The following ROR1 variants were observed in gnomAD, a reference collection of about 807,000 sequenced individuals.
ROR1 encodes the protein inactive tyrosine-protein kinase transmembrane receptor ROR1.
In ROR1, 19 loss-of-function variants were observed where a neutral mutation model predicts 78.8. The observed-to-expected ratio is 0.24, with a 90% CI of 0.17 to 0.35. The LOEUF is 0.35. ROR1 is among the 10% of genes least tolerant of loss of function. The probability of loss-of-function intolerance (pLI) is 1.00; values close to 1 mark genes in which losing one functional copy is unlikely to be tolerated. For synonymous variants in ROR1, 386 were observed against 433.6 expected, an observed-to-expected ratio of 0.89 and a Z score of 1.36; for missense variants, 917 against 1,177.8, an observed-to-expected ratio of 0.78 and a Z score of 3.24.
At chr1:64,060,269 G>A (rs1646906971) in intron 4 of ROR1, among the ~76,000 whole-genome samples, 2 of 152,180 alleles carry the variant, frequency 1.3e-5, no homozygotes. Flanking sequence ...CATATTAGGA[G>A]CTTGATAATA....
At chr1:63,860,733 C>A (rs1645175925) in intron 1 of ROR1, among the ~76,000 whole-genome samples, 1 of 143,022 alleles carries the variant, frequency 7.0e-6, no homozygotes, top group African/African-American at 2.7e-5. Flanking sequence ...CGCACCACTG[C>A]ACTCCAGCCT....
At position 63,774,899 on chromosome 1, in the gene ROR1, C is replaced by T. The variant is rs1427999631; in HGVS notation, c.91+391C>T. On this transcript the variant is annotated intron_variant, in intron 1 of 8. Transcript: ENST00000371079. This position sits in a 1 kb window ranked among gnomAD's most constrained non-coding sequence, Gnocchi z 5.7. ...GGTGTTCAGGCAAGTCTATCCTGCCCCCAAGTTGCGAGCCGGCCCGGAAGG... is the reference window on the plus strand; with the variant it reads ...GGTGTTCAGGCAAGTCTATCCTGCCTCCAAGTTGCGAGCCGGCCCGGAAGG... Among the ~76,000 whole-genome samples the T allele has an allele frequency of 6.6e-6, 1 of 152,110 alleles. No homozygotes were observed. The highest frequency in any genetic ancestry group is 1.9e-4 in the East Asian group (1 of 5,138).
intron 1 of ROR1, among the ~76,000 whole-genome samples, chr1:63,869,355 T>C (rs993487697): frequency 7.2e-5 from 11 of 152,202 alleles, no homozygotes; most frequent in Non-Finnish European, 1.0e-4. Context: ...ATCAGCCCAG[T>C]GTCCTTCCAC....
intron 1 of ROR1, among the ~76,000 whole-genome samples, chr1:63,847,575 C>A (rs577269881): frequency 6.6e-6 from 1 of 152,236 alleles, no homozygotes; most frequent in South Asian, 2.1e-4. Flanking sequence ...CGTCTCTGTG[C>A]ATCTGGCAGC....
intron 1 of ROR1, among the ~76,000 whole-genome samples, chr1:63,850,826 T>G (rs1286190400): frequency 1.3e-5 from 2 of 152,144 alleles, no homozygotes; most frequent in African/African-American, 2.4e-5. Context: ...AAGTCCAAAC[T>G]TATAGAACCT....
At chr1:64,028,139 A>G (rs1197469269) in intron 2 of ROR1, among the ~76,000 whole-genome samples, 1 of 152,186 alleles carries the variant, frequency 6.6e-6, no homozygotes, top group African/African-American at 2.4e-5. Flanking sequence ...TTTTAAAAAA[A>G]TTCTTTTCAC....
chr1:63,874,696 T>C (rs1645273041), intron 1 of ROR1, among the ~76,000 whole-genome samples: 1 of 152,152 alleles, frequency 6.6e-6, no homozygotes. Context: ...CTGGGCTGCT[T>C]CCTACTTCTT....
At chr1:63,917,710 CT>C (rs1645619623) in intron 1 of ROR1, among the ~76,000 whole-genome samples, 1 of 152,172 alleles carries the variant, frequency 6.6e-6, no homozygotes, top group Admixed American at 6.5e-5. Flanking sequence ...GCAGATGGAG[CT>C]GCAGACCACG....
At chr1:64,060,184 T>A (rs1300433140) in intron 4 of ROR1, among the ~76,000 whole-genome samples, 1 of 152,180 alleles carries the variant, frequency 6.6e-6, no homozygotes, top group African/African-American at 2.4e-5. Context: ...AAAAAATCTA[T>A]CTCATAGCAT....
rs1569896791 is a variant in ROR1, at chr1:64,179,426, A to G, written c.*571A>G. ...GGAAATGAGCCATAAGGGAAGTATA[A>G]CAAGCCCTGAAGCCTTTTATGTCGT... On this transcript the variant is annotated 3_prime_UTR_variant, in exon 9 of 9. Coordinates refer to ENST00000371079, the MANE Select transcript of ROR1 (RefSeq NM_005012.4). The G allele has an allele frequency of 6.5e-6, 1 of 153,078 alleles. No homozygotes were observed. Among genetic ancestry groups the G allele is most frequent in the East Asian group, 1.9e-4 (1 of 5,190 alleles). The allele number at this position is 153,078 out of a possible 1,614,324, so 9.5% of individuals were successfully genotyped here. A position where few individuals can be genotyped will look rare whatever the true frequency, so the allele number is the denominator to read the frequency against.
intron 1 of ROR1, among the ~76,000 whole-genome samples, chr1:64,001,633 T>G (rs1415178689): frequency 6.6e-6 from 1 of 152,154 alleles, no homozygotes; most frequent in Non-Finnish European, 1.5e-5. Flanking sequence ...CCCACCCAAG[T>G]CCTGAATGGA....
chr1:64,043,204 A>G (rs1646758363), intron 2 of ROR1, among the ~76,000 whole-genome samples: 1 of 152,224 alleles, frequency 6.6e-6, no homozygotes, highest in Non-Finnish European at 1.5e-5. Context: ...AAATTAAGTA[A>G]TAAATGTTGG....
intron 4 of ROR1, among the ~76,000 whole-genome samples, chr1:64,081,263 G>A (rs985308746): frequency 5.3e-5 from 8 of 152,080 alleles, no homozygotes; most frequent in African/African-American, 1.4e-4. Flanking sequence ...TGAAGACATC[G>A]ACCTTCCAAT....
intron 1 of ROR1, among the ~76,000 whole-genome samples, chr1:63,819,101 G>T (rs149673810): frequency 6.6e-6 from 1 of 152,108 alleles, no homozygotes; most frequent in Non-Finnish European, 1.5e-5. Context: ...CAGTTTCCAG[G>T]GGGTGGGGAG....
chr1:63,896,819 T>A (rs6677616), intron 1 of ROR1, among the ~76,000 whole-genome samples: 6,449 of 152,250 alleles, frequency 0.042, 429 homozygotes, highest in African/African-American at 0.14. Context: ...CACACCCACA[T>A]CTCACCTTGG....
chr1:64,063,555 C>G (rs1439997755), intron 4 of ROR1, among the ~76,000 whole-genome samples: 7 of 152,114 alleles, frequency 4.6e-5, no homozygotes, highest in African/African-American at 1.4e-4. Context: ...TCTAATTGCT[C>G]TCCTCTTTTT....
In ROR1 at chr1:64,116,048, C is replaced by G. The variant is rs1355147571; in HGVS notation, c.483-21321C>G. Among the ~76,000 whole-genome samples the G allele has an allele frequency of 1.3e-4, 20 of 152,202 alleles. No individual in the cohort carries two copies. In the East Asian group the frequency reaches 3.9e-3, roughly 29 times the overall value. ...TTATCTCTTGAGTACTTGCTTTATG[C>G]CAGATACAGAGTTTGGCACTGGGGA... On this transcript the variant is annotated intron_variant, in intron 4 of 8. Coordinates refer to ENST00000371079, the MANE Select transcript of ROR1 (RefSeq NM_005012.4).
At chr1:63,903,174 A>G (rs543362524) in intron 1 of ROR1, among the ~76,000 whole-genome samples, 1 of 152,298 alleles carries the variant, frequency 6.6e-6, no homozygotes, top group South Asian at 2.1e-4. Flanking sequence ...GGGGCTGGAT[A>G]TCAGGTAGGA....
chr1:64,144,362 G>A (rs372906942), intron 7 of ROR1, among the ~76,000 whole-genome samples: 8 of 152,186 alleles, frequency 5.3e-5, no homozygotes, highest in African/African-American at 1.2e-4. Flanking sequence ...AGATGGATAC[G>A]AAGGAAATGT....
Sources: gnomAD v4.1 joint callset for allele counts (sites outside exome capture counted in the v4.1 genomes callset) on GRCh38, gnomAD v4.1.1 for gene constraint, Gnocchi (gnomAD v3.1) non-coding constraint, MANE v1.5 for transcripts, NCBI Gene and HGNC (gene_info 2026-07-23, HGNC 2026-07-21) for gene names.